Variants in NBAS observed in about 807,000 individuals in gnomAD.
NBAS encodes the protein NBAS subunit of NRZ tethering complex.
NBAS carries 219 observed loss-of-function variants against 302.5 expected under a neutral mutation model. The observed-to-expected ratio is 0.72, with a 90% confidence interval of 0.65 to 0.81. NBAS has a LOEUF of 0.81. NBAS is among the 30% of genes least tolerant of loss of function. The pLI is 0.00. For synonymous variants in NBAS, 1,118 were observed against 1,021.6 expected (o/e 1.09, Z -1.80); for missense variants, 2,932 against 2,841.6 (o/e 1.03, Z -0.72).
intron 51 of NBAS, among the ~76,000 whole-genome samples, chr2:15,176,738 A>G (rs1664558626): frequency 6.6e-6 from 1 of 152,182 alleles, no homozygotes; most frequent in Admixed American, 6.5e-5. Context: ...TTGGTGTTCA[A>G]AAGTGTTGAA....
At chr2:15,095,691 C>T in the NBAS span, among the ~76,000 whole-genome samples, 1 of 152,180 alleles carries the variant, frequency 6.6e-6, no homozygotes, top group African/African-American at 2.4e-5. Context: ...TGAACCTTCC[C>T]TGGTAAGCAC....
the NBAS span, among the ~76,000 whole-genome samples, chr2:14,930,937 A>G: frequency 9.2e-5 from 14 of 152,226 alleles, no homozygotes; most frequent in African/African-American, 3.4e-4. Context: ...CTAACTGAAT[A>G]TCTACCCTTC....
intron 9 of NBAS, among the ~76,000 whole-genome samples, chr2:15,531,735 G>A (rs1033725272): frequency 2.6e-5 from 4 of 152,052 alleles, no homozygotes; most frequent in African/African-American, 9.7e-5. Context: ...CTAACTCAGG[G>A]CTTTTGCTTT....
chr2:15,493,954 T>A (rs987189105), intron 11 of NBAS, among the ~76,000 whole-genome samples: 1 of 151,564 alleles, frequency 6.6e-6, no homozygotes, highest in Non-Finnish European at 1.5e-5. Context: ...GCCTCCCACG[T>A]AGCTGGGATT....
rs779931396 is a variant in NBAS at position 15,249,438 on chromosome 2, C to A, written c.5725-10752G>T. On this transcript the variant is annotated intron_variant, in intron 44 of 51. Coordinates refer to ENST00000281513, the MANE Select transcript of NBAS (RefSeq NM_015909.4). ...GATGCCCTCTCTCACCACTCCTATT[C>A]AACATAGTATTGGAAGTTCTGGCCA... is the stretch of plus-strand genomic sequence containing the variant. Among the ~76,000 whole-genome samples the A allele has an allele frequency of 1.1e-4, 16 of 152,154 alleles. 1 individual carries two copies. Among genetic ancestry groups the A allele is most frequent in the Non-Finnish European group, 1.5e-4 (10 of 68,020 alleles).
At chr2:15,253,792 T>C (rs747421422) in intron 44 of NBAS, among the ~76,000 whole-genome samples, 5 of 152,276 alleles carry the variant, frequency 3.3e-5, no homozygotes, top group South Asian at 2.1e-4. Flanking sequence ...AATGCTGGTG[T>C]ATAACAGACT....
At chr2:14,861,951 G>C in the NBAS span, among the ~76,000 whole-genome samples, 1 of 152,186 alleles carries the variant, frequency 6.6e-6, no homozygotes, top group Non-Finnish European at 1.5e-5. Flanking sequence ...AACCCATCAG[G>C]AAAGTATCAA....
chr2:15,125,186 C>G, the NBAS span, among the ~76,000 whole-genome samples: 2 of 152,186 alleles, frequency 1.3e-5, no homozygotes, highest in Non-Finnish European at 2.9e-5. Flanking sequence ...TGTTCTCACA[C>G]TGCTATAAAG....
chr2:14,890,625 C>G, the NBAS span: 5,786 of 152,244 alleles, frequency 0.038, 137 homozygotes, highest in Non-Finnish European at 0.051. Flanking sequence ...TGAGACCAGC[C>G]TGGCCAACAT....
the NBAS span, among the ~76,000 whole-genome samples, chr2:14,846,664 A>T: frequency 6.6e-6 from 1 of 152,112 alleles, no homozygotes; most frequent in East Asian, 1.9e-4. Flanking sequence ...GAAACAAAAA[A>T]GTTGAAAAGT....
At chr2:15,120,038 GTTCTGATGGCCAAAAATA>G in the NBAS span, among the ~76,000 whole-genome samples, 1 of 152,160 alleles carries the variant, frequency 6.6e-6, no homozygotes, top group Non-Finnish European at 1.5e-5. Flanking sequence ...CCTGTTCCTA[GTTCTGATGGCCAAAAATA>G]TTCCAAACCA....
chr2:15,403,836 C>T (rs1378203995), intron 25 of NBAS, among the ~76,000 whole-genome samples: 1 of 149,650 alleles, frequency 6.7e-6, no homozygotes, highest in Non-Finnish European at 1.5e-5. Flanking sequence ...AAAACAGCTA[C>T]CTTTTCCTGA....
the NBAS span, among the ~76,000 whole-genome samples, chr2:15,156,219 A>G: frequency 6.6e-6 from 1 of 152,196 alleles, no homozygotes; most frequent in Non-Finnish European, 1.5e-5. Context: ...AGCCAGGAAT[A>G]GTAGCTCTGT....
At chr2:14,967,637 T>A in the NBAS span, among the ~76,000 whole-genome samples, 1 of 152,192 alleles carries the variant, frequency 6.6e-6, no homozygotes, top group South Asian at 2.1e-4. Context: ...TAAATCTCTG[T>A]GGCCTTGGGT....
intron 48 of NBAS, among the ~76,000 whole-genome samples, chr2:15,217,646 C>T (rs367814001): frequency 7.2e-5 from 11 of 152,204 alleles, no homozygotes; most frequent in African/African-American, 2.4e-4. Context: ...TGCTAAAGCA[C>T]GTGATTAAGG....
In NBAS at chr2:15,388,778, C is replaced by A. The variant is rs571354981; in HGVS notation, c.3257+5449G>T. On this transcript the variant is annotated intron_variant, in intron 28 of 51. Coordinates refer to ENST00000281513, the MANE Select transcript of NBAS (RefSeq NM_015909.4). Reference sequence around the variant, plus strand: ...GAATGTATAAATAATGAGTTACGTTCACAAAATGGAATACTTCCCAACATT... The same window carrying A: ...GAATGTATAAATAATGAGTTACGTTAACAAAATGGAATACTTCCCAACATT... Among the ~76,000 whole-genome samples the A allele has an allele frequency of 1.6e-3, 242 of 152,174 alleles. 3 individuals are homozygous for A. The highest frequency in any genetic ancestry group is 0.013 in the South Asian group (65 of 4,816).
intron 6 of NBAS, among the ~76,000 whole-genome samples, chr2:15,546,197 A>C (rs2148701729): frequency 6.6e-6 from 1 of 152,338 alleles, no homozygotes; most frequent in African/African-American, 2.4e-5. Flanking sequence ...AGTAACAGGT[A>C]CAGGAAAATG....
At chr2:15,228,503 A>G (rs1667239257) in intron 47 of NBAS, among the ~76,000 whole-genome samples, 1 of 152,232 alleles carries the variant, frequency 6.6e-6, no homozygotes, top group African/African-American at 2.4e-5. Context: ...ATCCAAAGGG[A>G]ATAACATCAG....
At chr2:14,857,324 C>A in the NBAS span, among the ~76,000 whole-genome samples, 1 of 152,014 alleles carries the variant, frequency 6.6e-6, no homozygotes, top group Non-Finnish European at 1.5e-5. Context: ...TAAAAATAAT[C>A]CTAGAATTTA....
Sources: gnomAD v4.1 joint callset for allele counts (sites outside exome capture counted in the v4.1 genomes callset) on GRCh38, gnomAD v4.1.1 for gene constraint, MANE v1.5 for transcripts, NCBI Gene and HGNC (gene_info 2026-07-23, HGNC 2026-07-21) for gene names.